GATA3: variants seen among roughly 807,000 people sequenced by gnomAD.
GATA3 encodes trans-acting T-cell-specific transcription factor GATA-3.
A neutral mutation model predicts 36.0 loss-of-function variants in GATA3; 6 were observed. That is an observed-to-expected ratio of 0.17 (90% CI 0.09 to 0.33). The LOEUF is 0.33. GATA3 is among the 10% of genes least tolerant of loss of function. GATA3 has a pLI of 1.00. For synonymous variants in GATA3, 326 were observed against 273.0 expected (o/e 1.19, Z -1.92); for missense variants, 514 against 610.1 (o/e 0.84, Z 1.66).
At chr10:8,067,335 T>A (rs894942189) in intron 4 of GATA3, among the ~76,000 whole-genome samples, 1 of 152,112 alleles carries the variant, frequency 6.6e-6, no homozygotes, top group African/African-American at 2.4e-5. Context: ...AAAGAAAGAA[T>A]TTTTTTAAAA....
In GATA3 at chr10:8,055,918, G is replaced by A. The variant is rs1270140353; in HGVS notation, c.241+22G>A. On this transcript the variant is annotated intron_variant, in intron 2 of 5. Coordinates refer to ENST00000379328, the MANE Select transcript of GATA3 (RefSeq NM_001002295.2). The surrounding 1 kb of genome is among the most constrained non-coding windows in gnomAD (Gnocchi z 5.4). ...CACGGTGAGTGCGCCCGGGGTGCCGGGGCTCCCGCCGGCCGCTTCAGCCGT... is the reference window on the plus strand; with the variant it reads ...CACGGTGAGTGCGCCCGGGGTGCCGAGGCTCCCGCCGGCCGCTTCAGCCGT... 3 of 1,550,828 alleles carry A rather than the reference G, an allele frequency of 1.9e-6. No individual in the cohort carries two copies. The highest frequency in any genetic ancestry group is 1.7e-4 in the Middle Eastern group (1 of 6,004).
At chr10:8,049,905 G>A (rs1231129444), upstream of GATA3, among the ~76,000 whole-genome samples, 1 of 152,192 alleles carries the variant, frequency 6.6e-6, no homozygotes, top group African/African-American at 2.4e-5. Context: ...TCACGGCCCG[G>A]TCCTCCGGCT....
rs763545775 is a variant in GATA3, at chr10:8,058,830, G to T, written c.767G>T (p.Arg256Leu). 6.2e-7 allele frequency: 1 copy of T among 1,603,760 alleles called. No individual in the cohort carries two copies. Residue 256 changes from arginine to leucine, a missense_variant, in exon 3 of 6, where the codon CGG becomes CTG. Arg to Leu is a moderately radical substitution (Grantham distance 102). Coordinates refer to ENST00000379328, the MANE Select transcript of GATA3 (RefSeq NM_001002295.2). The part of the protein sequence containing the change: ...GFGCKSRPKA[R>L]SSTEGRECVN... ...GGATGCAAGTCCAGGCCCAAGGCCC[G>T]GTCCAGCACAGGTAGGAGCCAGCTC...
rs550283540 is a variant in GATA3 at position 8,055,577 on chromosome 10, C to G, written c.-79C>G. The G allele has an allele frequency of 6.0e-6, 9 of 1,510,426 alleles. No homozygotes were observed. The highest frequency in any genetic ancestry group is 8.0e-6 in the Non-Finnish European group (9 of 1,131,680). 93.6% of individuals were successfully genotyped at this position (1,510,426 alleles called of 1,614,324 possible). On this transcript the variant is annotated 5_prime_UTR_variant, in exon 2 of 6. Coordinates refer to ENST00000379328, the MANE Select transcript of GATA3 (RefSeq NM_001002295.2). This position sits in a 1 kb window ranked among gnomAD's most constrained non-coding sequence, Gnocchi z 5.4. ...CGACCCTCCGACGGCAGGAGCCCCC[C>G]GACCTCCCAGGCGGACCGCCCTCCC... is the stretch of plus-strand genomic sequence containing the variant.
chr10:8,060,479 T>C (rs1832728898), intron 3 of GATA3, among the ~76,000 whole-genome samples: 2 of 151,800 alleles, frequency 1.3e-5, no homozygotes, highest in South Asian at 2.1e-4. Context: ...GGGAGCTGAA[T>C]CGAAAGAGAG....
chr10:8,052,321 A>T (rs566604849), upstream of GATA3: 3 of 152,240 alleles, frequency 2.0e-5, no homozygotes, highest in Non-Finnish European at 4.4e-5. Flanking sequence ...GGTGCTCGCG[A>T]TTGAATTTAA....
intron 3 of GATA3, among the ~76,000 whole-genome samples, chr10:8,063,633 C>A (rs1832785144): frequency 6.6e-6 from 1 of 152,130 alleles, no homozygotes; most frequent in Non-Finnish European, 1.5e-5. Context: ...CTTTTGCCAC[C>A]ATCCAGGGCT....
chr10:8,062,814 C>T (rs1398721047), intron 3 of GATA3, among the ~76,000 whole-genome samples: 3 of 152,180 alleles, frequency 2.0e-5, no homozygotes, highest in East Asian at 3.9e-4. Context: ...AAGGGGAGTC[C>T]TGGCTTTCTC....
In GATA3 at chr10:8,069,713, C is replaced by G; in HGVS notation, c.1050+115C>G. On this transcript the variant is annotated intron_variant, in intron 5 of 5. Coordinates refer to ENST00000379328, the MANE Select transcript of GATA3 (RefSeq NM_001002295.2). ...TCACCATGGGGGCAGATGACAGGTT[C>G]CAAATAATTGATGCAATAGGACCTA... 1.6e-6 allele frequency: 2 copies of G among 1,265,430 alleles called. 1 individual carries two copies. Among genetic ancestry groups the G allele is most frequent in the South Asian group, 2.5e-5 (2 of 79,012 alleles). The allele number at this position is 1,265,430 out of a possible 1,614,324, so 78.4% of individuals were successfully genotyped here.
upstream of GATA3, chr10:8,050,611 T>A (rs1244185): frequency 0.77 from 153,231 of 198,220 alleles, 59,623 homozygotes; most frequent in East Asian, 0.95. Context: ...GCCCCGCAGA[T>A]TCCCGGCTTC....
At chr10:8,051,251 T>G, upstream of GATA3, 1 of 391,754 alleles carries the variant, frequency 2.6e-6, no homozygotes. Flanking sequence ...TTTCTCACCT[T>G]TTTCCCAAGA....
chr10:8,057,136 C>G (rs1159397437), intron 2 of GATA3, among the ~76,000 whole-genome samples: 1 of 152,176 alleles, frequency 6.6e-6, no homozygotes, highest in African/African-American at 2.4e-5. Context: ...TACTATACTA[C>G]TTCCTGCATA....
intron 4 of GATA3, among the ~76,000 whole-genome samples, chr10:8,065,508 C>T (rs571817069): frequency 9.9e-5 from 15 of 151,920 alleles, no homozygotes; most frequent in Non-Finnish European, 1.5e-4. Context: ...TCCACCGCCT[C>T]GGCCTCCCAG....
At chr10:8,060,588 C>T (rs1832731307) in intron 3 of GATA3, among the ~76,000 whole-genome samples, 1 of 150,942 alleles carries the variant, frequency 6.6e-6, no homozygotes, top group Admixed American at 6.6e-5. Flanking sequence ...GGGGAGAGCT[C>T]GTGGTATCTG....
intron 3 of GATA3, among the ~76,000 whole-genome samples, chr10:8,060,959 T>C (rs1354242260): frequency 6.6e-6 from 1 of 152,070 alleles, no homozygotes; most frequent in Non-Finnish European, 1.5e-5. Flanking sequence ...GCGAGCGAGC[T>C]GGGACTTTTG....
intron 4 of GATA3, among the ~76,000 whole-genome samples, chr10:8,068,124 G>A (rs1335235337): frequency 6.6e-6 from 1 of 151,994 alleles, no homozygotes; most frequent in East Asian, 1.9e-4. Context: ...TTTTTAAAGC[G>A]TGAACAGAGA....
chr10:8,051,840 C>G (rs1043367548), upstream of GATA3, among the ~76,000 whole-genome samples: 1 of 152,038 alleles, frequency 6.6e-6, no homozygotes, highest in Non-Finnish European at 1.5e-5. Flanking sequence ...TGGCCTGGCC[C>G]GGACCCCCGC....
intron 4 of GATA3, among the ~76,000 whole-genome samples, chr10:8,067,050 A>T (rs1364057573): frequency 6.6e-6 from 1 of 151,526 alleles, no homozygotes; most frequent in African/African-American, 2.4e-5. Context: ...AAAAAAAAAC[A>T]CTATAGGAAG....
chr10:8,073,494 T>C (rs1832963213), intron 5 of GATA3, among the ~76,000 whole-genome samples: 1 of 152,156 alleles, frequency 6.6e-6, no homozygotes, highest in Non-Finnish European at 1.5e-5. Flanking sequence ...GTGAATTCTA[T>C]TTTCGTTACC....
Sources: allele counts gnomAD v4.1 joint callset (sites outside exome capture counted in the v4.1 genomes callset), GRCh38; gene constraint gnomAD v4.1.1; non-coding constraint Gnocchi (gnomAD v3.1); transcripts MANE v1.5; gene names NCBI Gene and HGNC (gene_info 2026-07-23, HGNC 2026-07-21).